The following CLVS1 variants were observed in gnomAD, a reference collection of about 807,000 sequenced individuals.
The protein encoded by CLVS1 is clavesin 1, also known as clavesin-1.
CLVS1 carries 10 observed loss-of-function variants against 33.1 expected under a neutral mutation model. The observed-to-expected ratio is 0.30, with a 90% CI of 0.19 to 0.51. The LOEUF is 0.51. Among genes scored for constraint, CLVS1 ranks in the 20% least tolerant of loss-of-function variants. CLVS1 has a pLI of 0.97. For synonymous variants in CLVS1, 163 were observed against 166.1 expected (o/e 0.98, Z 0.14); for missense variants, 343 against 433.4 (o/e 0.79, Z 1.85).
intron 2 of CLVS1, among the ~76,000 whole-genome samples, chr8:61,245,460 C>T (rs1439018028): frequency 6.6e-6 from 1 of 152,064 alleles, no homozygotes; most frequent in Non-Finnish European, 1.5e-5. Flanking sequence ...GCTGGGATTA[C>T]AGGTGTGAGC....
At chr8:61,139,896 T>C (rs1223348815) in intron 2 of CLVS1, among the ~76,000 whole-genome samples, 3 of 151,944 alleles carry the variant, frequency 2.0e-5, no homozygotes, top group Non-Finnish European at 4.4e-5. Flanking sequence ...TCCTGGATCC[T>C]CTCTATTTGG....
At chr8:60,979,914 A>T in the CLVS1 span, among the ~76,000 whole-genome samples, 4 of 152,214 alleles carry the variant, frequency 2.6e-5, no homozygotes, top group Non-Finnish European at 5.9e-5. Context: ...ATTTTGTTCT[A>T]ATCACTATCA....
At chr8:61,198,208 A>G (rs1807656162) in intron 2 of CLVS1, among the ~76,000 whole-genome samples, 1 of 152,228 alleles carries the variant, frequency 6.6e-6, no homozygotes, top group Admixed American at 6.5e-5. Context: ...GAAATCTAAT[A>G]TACAACCCAC....
chr8:61,110,105 C>G (rs1339930544), intron 1 of CLVS1, among the ~76,000 whole-genome samples: 2 of 152,092 alleles, frequency 1.3e-5, no homozygotes, highest in Non-Finnish European at 2.9e-5. Flanking sequence ...CACGGTTGCC[C>G]CCTTCTATTG....
At chr8:61,144,530 T>C (rs977602097) in intron 2 of CLVS1, among the ~76,000 whole-genome samples, 1 of 152,182 alleles carries the variant, frequency 6.6e-6, no homozygotes, top group Non-Finnish European at 1.5e-5. Flanking sequence ...TGTGCATGTA[T>C]CTTTATAGTA....
intron 2 of CLVS1, among the ~76,000 whole-genome samples, chr8:61,346,005 T>G (rs1462163820): frequency 6.6e-6 from 1 of 152,066 alleles, no homozygotes; most frequent in Non-Finnish European, 1.5e-5. Context: ...TTCGAGAGAG[T>G]GCATTTATCT....
intron 3 of CLVS1, among the ~76,000 whole-genome samples, chr8:61,396,430 G>A (rs1455866878): frequency 6.7e-6 from 1 of 149,448 alleles, no homozygotes; most frequent in African/African-American, 2.5e-5. Context: ...CCTCAGCACA[G>A]AGAGAACCAT....
chr8:60,975,068 G>T, the CLVS1 span, among the ~76,000 whole-genome samples: 1 of 152,072 alleles, frequency 6.6e-6, no homozygotes, highest in Non-Finnish European at 1.5e-5. Flanking sequence ...TAGGGTAATG[G>T]GTGCATATCC....
At position 61,423,812 on chromosome 8, in the gene CLVS1, T is replaced by C. The variant is rs546243508; in HGVS notation, c.631-30329T>C. Among the ~76,000 whole-genome samples the C allele has an allele frequency of 3.9e-5, 6 of 152,294 alleles. No homozygotes were observed. The South Asian group carries it at 8.3e-4, about 21-fold the overall frequency. ...CACACACCCTAGTGTCTCTCAGGTA[T>C]GAATGGACTGAACTAAGGTGGAAAT... On this transcript the variant is annotated intron_variant, in intron 3 of 5. Coordinates refer to ENST00000325897, the MANE Select transcript of CLVS1 (RefSeq NM_173519.3).
intron 3 of CLVS1, among the ~76,000 whole-genome samples, chr8:61,390,781 TACTC>T (rs1814270586): frequency 6.6e-6 from 1 of 152,254 alleles, no homozygotes; most frequent in Non-Finnish European, 1.5e-5. Context: ...ATATTTTTGT[TACTC>T]AAGGAAATTA....
chr8:61,140,072 G>A (rs993233534), intron 2 of CLVS1, among the ~76,000 whole-genome samples: 13 of 152,118 alleles, frequency 8.5e-5, no homozygotes, highest in Non-Finnish European at 1.9e-4. Flanking sequence ...CTTCTAGAAG[G>A]GCGCATTCCA....
At chr8:61,025,736 C>G in the CLVS1 span, among the ~76,000 whole-genome samples, 1 of 152,150 alleles carries the variant, frequency 6.6e-6, no homozygotes, top group Non-Finnish European at 1.5e-5. Flanking sequence ...GTTTGCAAGC[C>G]TCCCTGCCAA....
intron 2 of CLVS1, among the ~76,000 whole-genome samples, chr8:61,222,611 T>C (rs748622337): frequency 2.6e-5 from 4 of 152,210 alleles, no homozygotes; most frequent in Non-Finnish European, 4.4e-5. Context: ...TGGTCGATTT[T>C]AGAGTAAGGG....
At chr8:61,428,363 G>A (rs1364424867) in intron 3 of CLVS1, among the ~76,000 whole-genome samples, 1 of 152,170 alleles carries the variant, frequency 6.6e-6, no homozygotes, top group Admixed American at 6.5e-5. Context: ...AAAGAAAGGA[G>A]AGAAAGAGCA....
intron 5 of CLVS1, among the ~76,000 whole-genome samples, chr8:61,482,475 G>A (rs1173300744): frequency 6.6e-6 from 1 of 151,612 alleles, no homozygotes; most frequent in Admixed American, 6.6e-5. Flanking sequence ...TTAGACGAAT[G>A]GCTAACTAGA....
intron 2 of CLVS1, among the ~76,000 whole-genome samples, chr8:61,269,850 T>C (rs1171182620): frequency 6.6e-6 from 1 of 150,878 alleles, no homozygotes. Context: ...TTGTGATTTT[T>C]GTACATTGAT....
intron 3 of CLVS1, among the ~76,000 whole-genome samples, chr8:61,450,456 T>C (rs967192441): frequency 3.9e-5 from 6 of 152,256 alleles, no homozygotes; most frequent in African/African-American, 1.2e-4. Flanking sequence ...TGAGTAGAAC[T>C]GGTTAGAGAA....
chr8:61,270,409 A>C (rs1401112050), intron 2 of CLVS1, among the ~76,000 whole-genome samples: 2 of 152,088 alleles, frequency 1.3e-5, no homozygotes, highest in Admixed American at 6.6e-5. Context: ...TGCTGGATTC[A>C]TTTTGCCAGT....
At chr8:61,392,833 ACT>A (rs1275693286) in intron 3 of CLVS1, among the ~76,000 whole-genome samples, 1 of 151,570 alleles carries the variant, frequency 6.6e-6, no homozygotes, top group African/African-American at 2.4e-5. Context: ...ACAGAGCAAG[ACT>A]CTGTCTCAAA....
Sources: gnomAD v4.1 joint callset for allele counts (sites outside exome capture counted in the v4.1 genomes callset) on GRCh38, gnomAD v4.1.1 for gene constraint, MANE v1.5 for transcripts, NCBI Gene and HGNC (gene_info 2026-07-23, HGNC 2026-07-21) for gene names.